The following ZFYVE9 variants were observed in gnomAD, a reference collection of about 807,000 sequenced individuals.
ZFYVE9 encodes the protein zinc finger FYVE-type containing 9, also known as zinc finger FYVE domain-containing protein 9.
Under a neutral mutation model 126.7 loss-of-function variants are expected in ZFYVE9, and 43 were observed. That is an observed-to-expected ratio of 0.34 (90% confidence interval 0.27 to 0.44). The LOEUF (loss-of-function observed/expected upper bound fraction) is 0.44, where lower values mean the gene tolerates loss of function less well. Ranked by LOEUF, ZFYVE9 falls within the 20% of genes least tolerant of loss-of-function variation. The pLI, the probability that ZFYVE9 is intolerant of heterozygous loss-of-function variation, is 1.00. For missense variants in ZFYVE9, 1,476 were observed against 1,697.0 expected (o/e 0.87, Z 2.29); for synonymous variants, 521 against 597.4 (o/e 0.87, Z 1.87).
At chr1:52,159,436 G>T (rs915864161) in intron 1 of ZFYVE9, among the ~76,000 whole-genome samples, 2 of 152,218 alleles carry the variant, frequency 1.3e-5, no homozygotes, top group African/African-American at 4.8e-5. Context: ...AAAGGGAGAG[G>T]AGGCACAATT....
intron 1 of ZFYVE9, among the ~76,000 whole-genome samples, chr1:52,155,424 CG>C (rs903243130): frequency 3.3e-5 from 5 of 151,808 alleles, no homozygotes; most frequent in Non-Finnish European, 7.4e-5. Context: ...TTAGTAGAGA[CG>C]GGGTTTCACT....
intron 1 of ZFYVE9, among the ~76,000 whole-genome samples, chr1:52,178,022 G>A (rs1218627732): frequency 4.0e-5 from 6 of 150,630 alleles, no homozygotes; most frequent in East Asian, 4.0e-4. Flanking sequence ...GCTCACGCCC[G>A]TAATCCCAGC....
rs750861082 is a variant in ZFYVE9 at position 52,278,560 on chromosome 1, C to T, written c.2815C>T (p.Pro939Ser). Residue 939 changes from proline (P) to serine (S), a missense_variant, in exon 9 of 19, where the codon CCA (proline) becomes TCA (serine). Coordinates refer to ENST00000287727, the MANE Select transcript of ZFYVE9 (RefSeq NM_004799.4). The part of the protein sequence containing the change: ...MQQLEDGGPD[P>S]LVFVLNANLL... Reference sequence around the variant, plus strand: ...GCAGTTGGAGGATGGTGGCCCTGACCCACTTGTATTTGTTTTAAATGCAAA... The same window carrying T: ...GCAGTTGGAGGATGGTGGCCCTGACTCACTTGTATTTGTTTTAAATGCAAA... 6.2e-7 allele frequency: 1 copy of T among 1,607,644 alleles called. No individual in the cohort carries two copies. The highest frequency in any genetic ancestry group is 1.1e-5 in the South Asian group (1 of 89,454).
intron 17 of ZFYVE9, among the ~76,000 whole-genome samples, chr1:52,344,333 A>C (rs74346958): frequency 6.6e-6 from 1 of 152,184 alleles, no homozygotes; most frequent in Non-Finnish European, 1.5e-5. Context: ...GAGCCAGTCA[A>C]TTCCCTTCTA....
intron 4 of ZFYVE9, among the ~76,000 whole-genome samples, chr1:52,250,429 T>C (rs1256323908): frequency 6.6e-6 from 1 of 152,206 alleles, no homozygotes; most frequent in East Asian, 1.9e-4. Flanking sequence ...TCATTATTAG[T>C]ATGTAGAAAT....
At chr1:52,278,197 A>ATTTTTTTTTTTTTTTTTTTTTTTTTTTT (rs1489004797) in intron 8 of ZFYVE9, among the ~76,000 whole-genome samples, 27 of 152,064 alleles carry the variant, frequency 1.8e-4, no homozygotes, top group South Asian at 4.2e-4. Flanking sequence ...TAGTTGGAAA[A>ATTTTTTTTTTTTTTTTTTTTTTTTTTTT]TTTTTATTAA....
intron 5 of ZFYVE9, 110 bp downstream of exon 5, chr1:52,263,982 A>G: frequency 2.0e-6 from 1 of 512,582 alleles, no homozygotes; most frequent in African/African-American, 2.0e-5. Flanking sequence ...ACCTTCTCAA[A>G]TGTCATAACT....
chr1:52,286,958 A>G (rs1186667618), intron 10 of ZFYVE9, among the ~76,000 whole-genome samples: 1 of 152,110 alleles, frequency 6.6e-6, no homozygotes, highest in Non-Finnish European at 1.5e-5. Flanking sequence ...CTATTTCCCC[A>G]CACCCCAACT....
chr1:52,204,097 A>G (rs1644950825), intron 1 of ZFYVE9, among the ~76,000 whole-genome samples: 1 of 147,806 alleles, frequency 6.8e-6, no homozygotes, highest in Non-Finnish European at 1.5e-5. Flanking sequence ...TTTTTTTTTT[A>G]ACCTTATGCC....
At chr1:52,173,306 A>G (rs1473705663) in intron 1 of ZFYVE9, among the ~76,000 whole-genome samples, 1 of 152,212 alleles carries the variant, frequency 6.6e-6, no homozygotes, top group Non-Finnish European at 1.5e-5. Context: ...GATTACATTT[A>G]TTGATTTGCT....
intron 3 of ZFYVE9, among the ~76,000 whole-genome samples, chr1:52,233,825 C>T (rs2124623004): frequency 6.6e-6 from 1 of 152,258 alleles, no homozygotes; most frequent in South Asian, 2.1e-4. Flanking sequence ...GAAAGTCTTG[C>T]TCTGTCTCCC....
chr1:52,240,872 A>G (rs1260194358), intron 4 of ZFYVE9, among the ~76,000 whole-genome samples: 1 of 152,176 alleles, frequency 6.6e-6, no homozygotes. Context: ...GGGATTATCT[A>G]ATCAATCATG....
At chr1:52,148,588 G>A (rs546764893) in intron 1 of ZFYVE9, among the ~76,000 whole-genome samples, 2 of 151,676 alleles carry the variant, frequency 1.3e-5, no homozygotes, top group African/African-American at 2.4e-5. Flanking sequence ...GATAGGAATG[G>A]TGGTGTGAGG....
chr1:52,246,813 T>C (rs546861503), intron 4 of ZFYVE9, among the ~76,000 whole-genome samples: 2 of 151,484 alleles, frequency 1.3e-5, no homozygotes, highest in East Asian at 1.9e-4. Flanking sequence ...GTTCAAGCGA[T>C]TCTCCTGCCT....
chr1:52,277,720 A>G (rs1416748947), intron 8 of ZFYVE9, among the ~76,000 whole-genome samples: 3 of 152,220 alleles, frequency 2.0e-5, no homozygotes, highest in Admixed American at 6.5e-5. Flanking sequence ...TTCCTTTCCC[A>G]TATCTCTAGG....
chr1:52,179,966 C>T lies in ZFYVE9; in HGVS notation c.-142-36403C>T, dbSNP rs139566802. On this transcript the variant is annotated intron_variant, in intron 1 of 18. Transcript: ENST00000287727. ...AGCAGCGCATCCTCCAGCAGTCAGT[C>T]GTGACAACATAGGAAGATATGACTT... The T allele has an allele frequency of 3.7e-4, 383 of 1,030,154 alleles. 3 individuals carry two copies. The South Asian group carries it at 4.0e-3, about 11-fold the overall frequency. The allele number at this position is 1,030,154 out of a possible 1,614,324, so 63.8% of individuals were successfully genotyped here.
At chr1:52,254,021 C>T (rs1201658686) in intron 4 of ZFYVE9, 21 of 762,276 alleles carry the variant, frequency 2.8e-5, no homozygotes, top group South Asian at 1.0e-4. Flanking sequence ...CCAACTTGGA[C>T]GTTAATGATA....
At chr1:52,220,833 A>G (rs756395465) in intron 2 of ZFYVE9, among the ~76,000 whole-genome samples, 56 of 152,230 alleles carry the variant, frequency 3.7e-4, no homozygotes, top group Non-Finnish European at 6.3e-4. Context: ...AAACAAAGGG[A>G]TAGATGGAAA....
chr1:52,323,895 CA>C (rs35308713), intron 13 of ZFYVE9, among the ~76,000 whole-genome samples: 43 of 126,052 alleles, frequency 3.4e-4, no homozygotes, highest in African/African-American at 5.2e-4. Flanking sequence ...CTACTAAATA[CA>C]AAAAAAAAAA....
Sources: allele counts gnomAD v4.1 joint callset (sites outside exome capture counted in the v4.1 genomes callset), GRCh38; gene constraint gnomAD v4.1.1; transcripts MANE v1.5; gene names NCBI Gene and HGNC (gene_info 2026-07-23, HGNC 2026-07-21).